Variants in ASB4 observed in about 807,000 individuals in gnomAD.
The protein encoded by ASB4 is ankyrin repeat and SOCS box protein 4.
A neutral mutation model predicts 38.6 loss-of-function variants in ASB4; 35 were observed. The observed-to-expected ratio is 0.91, with a 90% CI of 0.69 to 1.20. ASB4 has a LOEUF of 1.20. Among genes scored for constraint, ASB4 ranks in the 50% most tolerant of loss-of-function variants. The pLI is 0.00. For synonymous variants in ASB4, 195 were observed against 201.3 expected, an observed-to-expected ratio of 0.97 and a Z score of 0.26; for missense variants, 557 against 527.2, an observed-to-expected ratio of 1.06 and a Z score of -0.55.
intron 1 of ASB4, among the ~76,000 whole-genome samples, chr7:95,480,322 C>A (rs1277026975): frequency 6.6e-6 from 1 of 152,166 alleles, no homozygotes; most frequent in Non-Finnish European, 1.5e-5. Flanking sequence ...TTTTAACATG[C>A]TTTCTTTGTG....
the ASB4 span, among the ~76,000 whole-genome samples, chr7:95,547,424 G>A: frequency 6.2e-4 from 95 of 152,244 alleles, 1 homozygote; most frequent in African/African-American, 2.1e-3. Flanking sequence ...CTTCATTCTC[G>A]TAACATAATA....
chr7:95,515,167 C>CTTTCTTTCTTTCTT (rs759056780), intron 2 of ASB4, among the ~76,000 whole-genome samples: 7 of 89,806 alleles, frequency 7.8e-5, no homozygotes, highest in East Asian at 3.4e-4. Flanking sequence ...CTTTCTCTTT[C>CTTTCTTTCTTTCTT]TCTTTCTTTC....
rs374098922 is a variant in ASB4, at chr7:95,515,171, T to C, written c.488-12642T>C. Among the ~76,000 whole-genome samples the C allele has an allele frequency of 4.3e-3, 192 of 44,608 alleles. 1 individual carries two copies. The highest frequency in any genetic ancestry group is 9.2e-3 in the African/African-American group (97 of 10,492). 29.3% of individuals were successfully genotyped at this position (44,608 alleles called of 152,430 possible). A position where few individuals can be genotyped will look rare whatever the true frequency, so the allele number is the denominator to read the frequency against. ...TTTCTTTCTTTCTTTCTCTTTCTCT[T>C]TCTTTCTTTCTTTCTTTCTTTCTTT... On this transcript the variant is annotated intron_variant, in intron 2 of 4. Transcript: ENST00000325885.
At position 95,532,510 on chromosome 7, in the gene ASB4, C is replaced by T. The variant is rs142449628; in HGVS notation, c.979-3927C>T. 6.6e-3 allele frequency among the ~76,000 whole-genome samples: 1,000 copies of T among 151,968 alleles called. 17 individuals carry two copies. The highest frequency in any genetic ancestry group is 8.0e-3 in the Non-Finnish European group (547 of 67,986). ...TTTTCTAGAGGAGGAAAAGGTAACA[C>T]GAGGGTCTGGGAGAGGTAAGGATGA... On this transcript the variant is annotated intron_variant, in intron 3 of 4. Coordinates refer to ENST00000325885, the MANE Select transcript of ASB4 (RefSeq NM_016116.3).
intron 2 of ASB4, among the ~76,000 whole-genome samples, chr7:95,514,314 T>C (rs1486847910): frequency 6.6e-6 from 1 of 152,216 alleles, no homozygotes; most frequent in Non-Finnish European, 1.5e-5. Flanking sequence ...TATACACCTC[T>C]AATACACCAT....
chr7:95,504,737 T>A (rs1024149039), intron 2 of ASB4, among the ~76,000 whole-genome samples: 1 of 152,176 alleles, frequency 6.6e-6, no homozygotes, highest in African/African-American at 2.4e-5. Context: ...TAAAAGGCAA[T>A]TAAATTCTTG....
chr7:95,523,582 C>A (rs767068427), intron 2 of ASB4, among the ~76,000 whole-genome samples: 1 of 152,022 alleles, frequency 6.6e-6, no homozygotes, highest in Non-Finnish European at 1.5e-5. Context: ...TCTTATGCAT[C>A]ACAGAGAGAG....
upstream of ASB4, among the ~76,000 whole-genome samples, chr7:95,477,601 G>C (rs1282247299): frequency 3.3e-5 from 5 of 152,134 alleles, no homozygotes; most frequent in African/African-American, 1.2e-4. Flanking sequence ...AAAAACTAAA[G>C]TATGAAGCTT....
At chr7:95,505,337 T>C (rs966854907) in intron 2 of ASB4, among the ~76,000 whole-genome samples, 6 of 152,056 alleles carry the variant, frequency 3.9e-5, no homozygotes, top group Admixed American at 3.9e-4. Context: ...GAAATTGCAA[T>C]GTAAGAAAAG....
At chr7:95,485,882 C>T (rs372446229), upstream of ASB4, 16 of 1,144,822 alleles carry the variant, frequency 1.4e-5, no homozygotes, top group East Asian at 2.5e-5. Flanking sequence ...TAAAATTAGC[C>T]GACAGTTTGT....
chr7:95,492,473 G>A (rs1790186138), intron 1 of ASB4, among the ~76,000 whole-genome samples: 1 of 152,202 alleles, frequency 6.6e-6, no homozygotes, highest in African/African-American at 2.4e-5. Context: ...GGTATTCTGA[G>A]TCCATGAGTT....
rs140155447 is a variant in ASB4, at chr7:95,494,090, G to A, written c.188-1668G>A. 1.7e-3 allele frequency among the ~76,000 whole-genome samples: 264 copies of A among 152,226 alleles called. 2 individuals are homozygous for A. Among genetic ancestry groups the A allele is most frequent in the Non-Finnish European group, 2.1e-3 (141 of 68,016 alleles). ...GTTGTGCAATACAGTGGTCCTTTAGGACATTTCACATGGGTGTTTATGCTT... is the reference window on the plus strand; with the variant it reads ...GTTGTGCAATACAGTGGTCCTTTAGAACATTTCACATGGGTGTTTATGCTT... On this transcript the variant is annotated intron_variant, in intron 1 of 4. Coordinates refer to ENST00000325885, the MANE Select transcript of ASB4 (RefSeq NM_016116.3).
intron 2 of ASB4, among the ~76,000 whole-genome samples, chr7:95,526,468 T>C (rs556273408): frequency 6.6e-6 from 1 of 152,166 alleles, no homozygotes. Flanking sequence ...ACATACTTTC[T>C]CTAATAAATC....
At chr7:95,524,786 T>C (rs1293358394) in intron 2 of ASB4, among the ~76,000 whole-genome samples, 1 of 152,016 alleles carries the variant, frequency 6.6e-6, no homozygotes, top group African/African-American at 2.4e-5. Flanking sequence ...TATAATCGGG[T>C]CCCCAGAGAC....
At chr7:95,524,119 A>G (rs950146744) in intron 2 of ASB4, among the ~76,000 whole-genome samples, 4 of 152,222 alleles carry the variant, frequency 2.6e-5, no homozygotes, top group African/African-American at 9.6e-5. Context: ...TGACCCAGCA[A>G]TTCCACTCAT....
intron 3 of ASB4, 59 bp from the exon 4 acceptor site, chr7:95,536,378 C>A: frequency 9.1e-7 from 1 of 1,097,558 alleles, no homozygotes; most frequent in Non-Finnish European, 1.4e-6. Flanking sequence ...TCTCTGTGAG[C>A]AGAATGAATG....
At chr7:95,529,056 G>A (rs889144590) in intron 3 of ASB4, among the ~76,000 whole-genome samples, 1 of 152,148 alleles carries the variant, frequency 6.6e-6, no homozygotes, top group African/African-American at 2.4e-5. Context: ...GTATTGATAT[G>A]ACTAAGACAT....
intron 2 of ASB4, among the ~76,000 whole-genome samples, chr7:95,508,251 T>C (rs1790436682): frequency 6.6e-6 from 1 of 152,090 alleles, no homozygotes; most frequent in East Asian, 1.9e-4. Context: ...GAACCTCTGT[T>C]CTATCGTAGC....
At chr7:95,512,440 C>T (rs190479585) in intron 2 of ASB4, among the ~76,000 whole-genome samples, 62 of 152,224 alleles carry the variant, frequency 4.1e-4, no homozygotes, top group Admixed American at 3.1e-3. Flanking sequence ...TCTAGAAATG[C>T]GTTTCCCAAA....
Sources: allele counts gnomAD v4.1 joint callset (sites outside exome capture counted in the v4.1 genomes callset), GRCh38; gene constraint gnomAD v4.1.1; transcripts MANE v1.5; gene names NCBI Gene and HGNC (gene_info 2026-07-23, HGNC 2026-07-21).